PHF21B: variants seen among roughly 807,000 people sequenced by gnomAD.
PHF21B encodes PHD finger protein 21B, also known as PHD finger protein 4.
In PHF21B, 22 loss-of-function variants were observed where a neutral mutation model predicts 62.2. That is an observed-to-expected ratio of 0.35 (90% confidence interval 0.25 to 0.51). PHF21B has a LOEUF of 0.51. Among genes scored for constraint, PHF21B ranks in the 20% least tolerant of loss-of-function variants. The pLI is 0.97. For missense variants in PHF21B, 701 were observed against 707.9 expected (o/e 0.99, Z 0.11); for synonymous variants, 341 against 314.7 (o/e 1.08, Z -0.88).
At chr22:44,896,894 T>TGTTTTTTTTTTTTTG in intron 5 of PHF21B, among the ~76,000 whole-genome samples, 1 of 148,622 alleles carries the variant, frequency 6.7e-6, no homozygotes, top group Non-Finnish European at 1.5e-5. Context: ...TTTTTTTTTT[T>TGTTTTTTTTTTTTTG]TTGAGACAGG....
chr22:44,966,572 C>G (rs2072530581), intron 2 of PHF21B, among the ~76,000 whole-genome samples: 1 of 152,138 alleles, frequency 6.6e-6, no homozygotes. Context: ...CAAGGCCAGG[C>G]AGGTGCGGTG....
intron 3 of PHF21B, among the ~76,000 whole-genome samples, chr22:44,918,134 G>A (rs112455121): frequency 0.017 from 2,641 of 152,342 alleles, 36 homozygotes; most frequent in Middle Eastern, 0.041. Context: ...CCATCTTCTC[G>A]TTCCTGCCGG....
At chr22:44,935,014 C>T (rs1173065371) in intron 2 of PHF21B, among the ~76,000 whole-genome samples, 1 of 152,190 alleles carries the variant, frequency 6.6e-6, no homozygotes, top group African/African-American at 2.4e-5. Context: ...GAAGAAGTTC[C>T]CAGGGCCTTT....
chr22:44,902,851 A>T (rs1397249835), intron 5 of PHF21B, among the ~76,000 whole-genome samples: 1 of 152,220 alleles, frequency 6.6e-6, no homozygotes, highest in Non-Finnish European at 1.5e-5. Context: ...TTGTTGTTAA[A>T]CATAACTAAA....
chr22:44,925,811 G>A (rs959396716), intron 2 of PHF21B, among the ~76,000 whole-genome samples: 12 of 152,136 alleles, frequency 7.9e-5, no homozygotes, highest in Non-Finnish European at 1.3e-4. Flanking sequence ...TCCACGACCA[G>A]TGTTCCCCCA....
intron 2 of PHF21B, among the ~76,000 whole-genome samples, chr22:44,931,383 C>G (rs1027764244): frequency 1.3e-4 from 20 of 152,126 alleles, no homozygotes; most frequent in African/African-American, 4.3e-4. Flanking sequence ...TGACCCTGAC[C>G]AAAGCCAGGC....
At chr22:44,928,836 C>T (rs993072808) in intron 2 of PHF21B, among the ~76,000 whole-genome samples, 4 of 152,200 alleles carry the variant, frequency 2.6e-5, no homozygotes, top group Non-Finnish European at 5.9e-5. Context: ...ACCAGGCTCT[C>T]CAGAGTCTTC....
intron 2 of PHF21B, among the ~76,000 whole-genome samples, chr22:45,004,476 C>T (rs1334118946): frequency 1.3e-5 from 2 of 152,206 alleles, no homozygotes; most frequent in Non-Finnish European, 2.9e-5. Flanking sequence ...CCCATTCCCA[C>T]GATCTTCCCC....
intron 2 of PHF21B, among the ~76,000 whole-genome samples, chr22:44,958,090 G>A (rs868498767): frequency 2.6e-5 from 4 of 152,118 alleles, no homozygotes; most frequent in South Asian, 2.1e-4. Flanking sequence ...TTTTAATAGA[G>A]ACGGGGTTTC....
intron 2 of PHF21B, among the ~76,000 whole-genome samples, chr22:45,007,108 G>T (rs1028310199): frequency 2.7e-5 from 4 of 147,020 alleles, no homozygotes; most frequent in African/African-American, 1.0e-4. Flanking sequence ...GGGGGCGGGG[G>T]GGCCGCGGCA....
intron 8 of PHF21B, among the ~76,000 whole-genome samples, chr22:44,890,672 G>C (rs891786310): frequency 6.6e-6 from 1 of 152,282 alleles, no homozygotes; most frequent in Admixed American, 6.5e-5. Flanking sequence ...TCCTGCTGCT[G>C]TCTGAATGCA....
intron 2 of PHF21B, among the ~76,000 whole-genome samples, chr22:44,986,432 A>C (rs2072950732): frequency 6.7e-6 from 1 of 149,890 alleles, no homozygotes; most frequent in Non-Finnish European, 1.5e-5. Flanking sequence ...CATCCGCATG[A>C]TCCAATCCAG....
At chr22:44,920,550 C>G (rs886124944) in intron 2 of PHF21B, 60 bp from the exon 3 acceptor site, 2 of 1,361,894 alleles carry the variant, frequency 1.5e-6, no homozygotes, top group Middle Eastern at 3.6e-4. Context: ...GAATCCGTTG[C>G]CCCCAGCCTG....
At chr22:44,911,432 G>A (rs911072742) in intron 5 of PHF21B, among the ~76,000 whole-genome samples, 1 of 152,112 alleles carries the variant, frequency 6.6e-6, no homozygotes, top group Non-Finnish European at 1.5e-5. Flanking sequence ...AGGAAAAAAT[G>A]TTTTCTTAGG....
At chr22:44,994,974 C>G (rs202001591) in intron 2 of PHF21B, among the ~76,000 whole-genome samples, 7 of 152,364 alleles carry the variant, frequency 4.6e-5, no homozygotes, top group African/African-American at 1.7e-4. Flanking sequence ...GGCCGCCCAC[C>G]GCCCACCCCT....
chr22:44,944,932 C>T (rs1231959355), intron 2 of PHF21B, among the ~76,000 whole-genome samples: 1 of 152,252 alleles, frequency 6.6e-6, no homozygotes. Flanking sequence ...CTTCCTGCCG[C>T]AGTCCTGAGC....
intron 2 of PHF21B, among the ~76,000 whole-genome samples, chr22:44,932,076 A>T (rs1443346578): frequency 6.6e-6 from 1 of 152,166 alleles, no homozygotes; most frequent in Non-Finnish European, 1.5e-5. Context: ...AGGCCGTGTC[A>T]CTCAACAGAG....
intron 2 of PHF21B, among the ~76,000 whole-genome samples, chr22:44,951,824 T>C (rs1023318834): frequency 3.3e-5 from 5 of 152,184 alleles, no homozygotes; most frequent in African/African-American, 1.2e-4. Context: ...ATGGGATAGG[T>C]GCAGGTTTAG....
chr22:44,909,470 G>A (rs2071308491), intron 5 of PHF21B, among the ~76,000 whole-genome samples: 1 of 152,266 alleles, frequency 6.6e-6, no homozygotes. Context: ...CCACAGAGGA[G>A]ACCTGGTTCA....
Sources: allele counts gnomAD v4.1 joint callset (sites outside exome capture counted in the v4.1 genomes callset), GRCh38; gene constraint gnomAD v4.1.1; transcripts MANE v1.5; gene names NCBI Gene and HGNC (gene_info 2026-07-23, HGNC 2026-07-21).